WWC2: variants seen among roughly 807,000 people sequenced by gnomAD.
The protein encoded by WWC2 is protein WWC2.
Under a neutral mutation model 138.5 loss-of-function variants are expected in WWC2, and 101 were observed. That is an observed-to-expected ratio of 0.73 (90% confidence interval 0.62 to 0.86). The LOEUF (loss-of-function observed/expected upper bound fraction) is 0.86. Ranked by LOEUF, WWC2 falls within the 40% of genes least tolerant of loss-of-function variation. WWC2 has a pLI of 0.00. For missense variants in WWC2, 1,420 were observed against 1,419.4 expected (o/e 1.00, Z -0.01); for synonymous variants, 558 against 538.4 (o/e 1.04, Z -0.50).
intron 16 of WWC2, among the ~76,000 whole-genome samples, chr4:183,279,760 G>A (rs551027964): frequency 2.6e-5 from 4 of 152,186 alleles, no homozygotes; most frequent in African/African-American, 9.6e-5. Flanking sequence ...TAGTTTATTT[G>A]CGTAGAGGTG....
chr4:183,238,351 G>T (rs1736494981), intron 4 of WWC2, among the ~76,000 whole-genome samples: 1 of 152,114 alleles, frequency 6.6e-6, no homozygotes, highest in Non-Finnish European at 1.5e-5. Flanking sequence ...CCACATGCCA[G>T]CCCACAGTGC....
At chr4:183,273,278 G>C (rs552149386) in intron 16 of WWC2, among the ~76,000 whole-genome samples, 1 of 151,250 alleles carries the variant, frequency 6.6e-6, no homozygotes, top group African/African-American at 2.4e-5. Context: ...ATTTTTAAAC[G>C]ATGTTATTTA....
intron 16 of WWC2, among the ~76,000 whole-genome samples, chr4:183,274,492 G>A (rs1737790110): frequency 6.6e-6 from 1 of 152,052 alleles, no homozygotes; most frequent in Non-Finnish European, 1.5e-5. Flanking sequence ...ATGTCCTAAT[G>A]AGATTTGAAG....
intron 4 of WWC2, among the ~76,000 whole-genome samples, chr4:183,232,676 TTCTC>T (rs751187177): frequency 1.3e-5 from 2 of 152,180 alleles, no homozygotes; most frequent in Middle Eastern, 3.4e-3. Context: ...GAGACAGAGT[TTCTC>T]TCAGTCGCCC....
intron 2 of WWC2, among the ~76,000 whole-genome samples, chr4:183,198,149 G>T (rs548016369): frequency 2.6e-5 from 4 of 152,140 alleles, no homozygotes; most frequent in Admixed American, 2.6e-4. Flanking sequence ...GCTGCAATGC[G>T]CTGTGATCAC....
intron 8 of WWC2, among the ~76,000 whole-genome samples, chr4:183,250,982 T>C (rs1421898665): frequency 6.6e-6 from 1 of 152,226 alleles, no homozygotes; most frequent in East Asian, 1.9e-4. Context: ...ATGTAACCTG[T>C]ATTCTTAATA....
chr4:183,106,464 C>T (rs929344448), intron 1 of WWC2, among the ~76,000 whole-genome samples: 1 of 152,124 alleles, frequency 6.6e-6, no homozygotes, highest in Non-Finnish European at 1.5e-5. Flanking sequence ...TTGAAGACTA[C>T]ACCTTAGTAG....
chr4:183,253,723 T>G, intron 8 of WWC2, 34 bp from the exon 9 acceptor site: 1 of 1,591,290 alleles, frequency 6.3e-7, no homozygotes, highest in South Asian at 1.1e-5. Flanking sequence ...GAGTTTTAAG[T>G]ATGTGCATAC....
At chr4:183,171,204 G>C (rs1561446949) in intron 1 of WWC2, among the ~76,000 whole-genome samples, 1 of 152,172 alleles carries the variant, frequency 6.6e-6, no homozygotes, top group Non-Finnish European at 1.5e-5. Context: ...GCCTCATTGA[G>C]AGCAGGGTCA....
intron 4 of WWC2, among the ~76,000 whole-genome samples, chr4:183,223,959 G>A (rs1735997153): frequency 6.6e-6 from 1 of 152,036 alleles, no homozygotes; most frequent in Non-Finnish European, 1.5e-5. Context: ...TCGAACTCCT[G>A]ACCTCAGGCT....
At chr4:183,102,763 T>C (rs1182096219) in intron 1 of WWC2, among the ~76,000 whole-genome samples, 1 of 152,118 alleles carries the variant, frequency 6.6e-6, no homozygotes, top group Non-Finnish European at 1.5e-5. Flanking sequence ...TCCCCGAGTG[T>C]TATTTTGTAG....
chr4:183,307,550 A>G (rs1739063408), intron 21 of WWC2, among the ~76,000 whole-genome samples: 1 of 152,246 alleles, frequency 6.6e-6, no homozygotes, highest in Non-Finnish European at 1.5e-5. Context: ...ACAAAATATT[A>G]GCAGATCATA....
intron 1 of WWC2, among the ~76,000 whole-genome samples, chr4:183,124,500 G>A (rs1732697685): frequency 7.6e-6 from 1 of 131,866 alleles, no homozygotes; most frequent in South Asian, 2.5e-4. Flanking sequence ...TTTGTTTTTA[G>A]TTTTTCTTTC....
intron 1 of WWC2, among the ~76,000 whole-genome samples, chr4:183,186,352 C>G (rs1734800052): frequency 6.6e-6 from 1 of 152,164 alleles, no homozygotes; most frequent in South Asian, 2.1e-4. Flanking sequence ...CCCACAAATA[C>G]TGTCTTTCAA....
chr4:183,182,019 G>A (rs1734647093), intron 1 of WWC2, among the ~76,000 whole-genome samples: 1 of 151,976 alleles, frequency 6.6e-6, no homozygotes, highest in African/African-American at 2.4e-5. Context: ...TGTATATTTT[G>A]TACATAATAT....
At chr4:183,173,558 A>G (rs899051670) in intron 1 of WWC2, among the ~76,000 whole-genome samples, 1 of 151,860 alleles carries the variant, frequency 6.6e-6, no homozygotes. Flanking sequence ...CTCCTTCCAG[A>G]CACAGGAGAC....
intron 21 of WWC2, among the ~76,000 whole-genome samples, chr4:183,302,502 A>C (rs2111103205): frequency 6.6e-6 from 1 of 152,252 alleles, no homozygotes; most frequent in South Asian, 2.1e-4. Flanking sequence ...CCTTTGCCTG[A>C]GTCAATGTCG....
chr4:183,319,645 C>T lies in WWC2; in HGVS notation c.*3916C>T, dbSNP rs750503626. On this transcript the variant is annotated 3_prime_UTR_variant, in exon 23 of 23. Transcript: ENST00000403733. ...GCGTAGTGGCCCGAAGCTAGGGGAG[C>T]GTGGCTGGAGCAGGCTGCACAGTGG... is the stretch of plus-strand genomic sequence containing the variant. 1.3e-5 allele frequency: 21 copies of T among 1,613,944 alleles called. No individual in the cohort carries two copies. The highest frequency in any genetic ancestry group is 8.3e-5 in the Admixed American group (5 of 60,002).
chr4:183,225,066 CTTT>C (rs113534799), intron 4 of WWC2, among the ~76,000 whole-genome samples: 3 of 151,210 alleles, frequency 2.0e-5, no homozygotes, highest in Non-Finnish European at 4.4e-5. Flanking sequence ...ATGTTTTTGA[CTTT>C]TTTTTTGCAC....
Sources: gnomAD v4.1 joint callset for allele counts (sites outside exome capture counted in the v4.1 genomes callset) on GRCh38, gnomAD v4.1.1 for gene constraint, MANE v1.5 for transcripts, NCBI Gene and HGNC (gene_info 2026-07-23, HGNC 2026-07-21) for gene names.